UNC13C: variants seen among roughly 807,000 people sequenced by gnomAD.
UNC13C encodes the protein protein unc-13 homolog C.
In UNC13C, 174 loss-of-function variants were observed where a neutral mutation model predicts 245.4. The ratio of observed to expected loss-of-function variants is 0.71; its 90% CI spans 0.63 to 0.80. The LOEUF is 0.80. UNC13C is among the 30% of genes least tolerant of loss of function. The pLI is 0.00. For missense variants in UNC13C, 2,829 were observed against 2,602.9 expected (o/e 1.09, Z -1.89); for synonymous variants, 992 against 895.1 (o/e 1.11, Z -1.93).
chr15:54,243,493 A>G (rs1274098535), intron 7 of UNC13C, among the ~76,000 whole-genome samples: 1 of 152,174 alleles, frequency 6.6e-6, no homozygotes, highest in Admixed American at 6.5e-5. Flanking sequence ...TCCTTTGGGT[A>G]TATACCCAGT....
At chr15:54,453,183 A>G (rs1392203918) in intron 19 of UNC13C, among the ~76,000 whole-genome samples, 1 of 152,188 alleles carries the variant, frequency 6.6e-6, no homozygotes, top group African/African-American at 2.4e-5. Flanking sequence ...GTCAAGAAAC[A>G]TTCCCTTGGT....
At chr15:54,155,376 G>A (rs1457650442) in intron 4 of UNC13C, among the ~76,000 whole-genome samples, 3 of 152,146 alleles carry the variant, frequency 2.0e-5, no homozygotes, top group Non-Finnish European at 4.4e-5. Flanking sequence ...TATCACTTTT[G>A]CCACATTCTA....
chr15:54,288,664 G>A (rs1358992236), intron 10 of UNC13C, among the ~76,000 whole-genome samples: 2 of 152,026 alleles, frequency 1.3e-5, no homozygotes, highest in Admixed American at 6.6e-5. Context: ...GGTTTGAAAG[G>A]TTGTTGTATG....
At chr15:54,242,273 A>G (rs1044150005) in intron 7 of UNC13C, among the ~76,000 whole-genome samples, 1 of 152,144 alleles carries the variant, frequency 6.6e-6, no homozygotes, top group African/African-American at 2.4e-5. Context: ...CCACCTGAAT[A>G]TGGTACTTAT....
chr15:54,568,226 T>C (rs1193955974), intron 30 of UNC13C, among the ~76,000 whole-genome samples: 2 of 152,124 alleles, frequency 1.3e-5, no homozygotes, highest in African/African-American at 4.8e-5. Flanking sequence ...CTACTTTAAG[T>C]AAAATCTACT....
intron 2 of UNC13C, among the ~76,000 whole-genome samples, chr15:54,068,305 A>T (rs1026456807): frequency 1.3e-5 from 2 of 152,198 alleles, no homozygotes; most frequent in African/African-American, 2.4e-5. Flanking sequence ...AAAGTTGTGA[A>T]GTGTTTGCCA....
intron 22 of UNC13C, 36 bp from the exon 23 acceptor site, chr15:54,507,081 T>C: frequency 7.0e-7 from 1 of 1,418,824 alleles, no homozygotes; most frequent in Non-Finnish European, 9.7e-7. Flanking sequence ...AACTACATAC[T>C]TACCTGGGTA....
intron 4 of UNC13C, among the ~76,000 whole-genome samples, chr15:54,227,078 A>T (rs1414033162): frequency 1.3e-5 from 2 of 152,280 alleles, no homozygotes; most frequent in South Asian, 4.1e-4. Flanking sequence ...TGAGGCACGC[A>T]AACAGCTGGA....
chr15:54,012,347 G>A (rs969722984), intron 1 of UNC13C, among the ~76,000 whole-genome samples: 7 of 152,114 alleles, frequency 4.6e-5, no homozygotes, highest in African/African-American at 1.7e-4. Context: ...CAATATGGCT[G>A]TATAAATTGA....
At chr15:53,927,355 A>T in the UNC13C span, among the ~76,000 whole-genome samples, 1 of 152,184 alleles carries the variant, frequency 6.6e-6, no homozygotes, top group Non-Finnish European at 1.5e-5. Context: ...CAAGGAGAAC[A>T]GTTGGGATGT....
chr15:54,544,145 C>T (rs1896373933), intron 26 of UNC13C, among the ~76,000 whole-genome samples: 1 of 152,120 alleles, frequency 6.6e-6, no homozygotes, highest in Non-Finnish European at 1.5e-5. Context: ...TCAACATACA[C>T]AAATCAGTAA....
At position 54,511,836 on chromosome 15, in the gene UNC13C, T is replaced by C; in HGVS notation, c.5457+6T>C. The C allele has an allele frequency of 6.4e-7, 1 of 1,550,794 alleles. No homozygotes were observed. The highest frequency in any genetic ancestry group is 8.9e-7 in the Non-Finnish European group (1 of 1,127,672). Reference sequence around the variant, plus strand: ...AATCCATGGGAGGGAAGGAGGTGGGTATCTTTTTCTCCTACATTTGCTAAA... The same window carrying C: ...AATCCATGGGAGGGAAGGAGGTGGGCATCTTTTTCTCCTACATTTGCTAAA... On this transcript the variant is annotated splice_donor_region_variant and intron_variant, in intron 24 of 32. Transcript: ENST00000260323.
chr15:54,372,544 AT>A (rs2039511718), intron 17 of UNC13C, among the ~76,000 whole-genome samples: 3 of 152,250 alleles, frequency 2.0e-5, no homozygotes, highest in Admixed American at 1.3e-4. Flanking sequence ...TCTTTTCATT[AT>A]AGTTCTACTA....
intron 20 of UNC13C, among the ~76,000 whole-genome samples, chr15:54,495,789 G>A (rs1445410697): frequency 6.6e-6 from 1 of 151,938 alleles, no homozygotes; most frequent in Non-Finnish European, 1.5e-5. Context: ...GGAATGGGGG[G>A]CAGAGAAGAG....
At chr15:54,039,832 T>C (rs1435909793) in intron 2 of UNC13C, among the ~76,000 whole-genome samples, 1 of 151,868 alleles carries the variant, frequency 6.6e-6, no homozygotes, top group East Asian at 1.9e-4. Flanking sequence ...CTTCATTTGC[T>C]TCCCTTTCCA....
intron 19 of UNC13C, among the ~76,000 whole-genome samples, chr15:54,491,429 C>A (rs2141082610): frequency 6.6e-6 from 1 of 151,842 alleles, no homozygotes; most frequent in East Asian, 1.9e-4. Context: ...ATGCTAAAAG[C>A]TGGAAAAATG....
the UNC13C span, among the ~76,000 whole-genome samples, chr15:53,844,719 A>G: frequency 6.6e-6 from 1 of 152,116 alleles, no homozygotes; most frequent in Non-Finnish European, 1.5e-5. Context: ...GGTTCCTAAG[A>G]AAAAAGAGAT....
chr15:54,513,984 C>T (rs1002899053), intron 24 of UNC13C, among the ~76,000 whole-genome samples: 14 of 152,064 alleles, frequency 9.2e-5, no homozygotes, highest in Non-Finnish European at 1.6e-4. Flanking sequence ...CAGGAGGAAG[C>T]AAGACTTGCA....
intron 11 of UNC13C, among the ~76,000 whole-genome samples, chr15:54,294,568 G>C (rs1244466518): frequency 2.0e-5 from 3 of 152,038 alleles, no homozygotes; most frequent in Non-Finnish European, 2.9e-5. Context: ...TACTGAGAAG[G>C]TGATTAATTG....
Sources: allele counts gnomAD v4.1 joint callset (sites outside exome capture counted in the v4.1 genomes callset), GRCh38; gene constraint gnomAD v4.1.1; transcripts MANE v1.5; gene names NCBI Gene and HGNC (gene_info 2026-07-23, HGNC 2026-07-21).